Variants in THOC2 observed in about 807,000 individuals in gnomAD.
THOC2 encodes the protein THO complex subunit 2, also known as THO complex 2.
Under a neutral mutation model 128.4 loss-of-function variants are expected in THOC2, and 10 were observed. The ratio of observed to expected loss-of-function variants is 0.08; its 90% confidence interval spans 0.05 to 0.13. The LOEUF is 0.13. THOC2 is among the 10% of genes least tolerant of loss of function. THOC2 has a pLI of 1.00. For synonymous variants in THOC2, 393 were observed against 396.9 expected, an observed-to-expected ratio of 0.99 and a Z score of 0.12; for missense variants, 535 against 1,155.7, an observed-to-expected ratio of 0.46 and a Z score of 7.79.
At chrX:123,719,004 T>C (rs763410789) in intron 1 of THOC2, among the ~76,000 whole-genome samples, 10 of 108,976 alleles carry the variant, frequency 9.2e-5, no homozygotes, top group Non-Finnish European at 1.7e-4. Context: ...TGAAACCCTG[T>C]CTCTACTAAA....
chrX:123,630,496 C>G (rs1156551956), intron 22 of THOC2, among the ~76,000 whole-genome samples: 1 of 107,723 alleles, frequency 9.3e-6, no homozygotes, highest in Non-Finnish European at 1.9e-5. Flanking sequence ...ACCTGTAATC[C>G]CAGCTACTTG....
chrX:123,619,374 G>T, intron 33 of THOC2, 27 bp downstream of exon 33: 1 of 1,002,776 alleles, frequency 1.0e-6, no homozygotes, highest in Non-Finnish European at 1.4e-6. Flanking sequence ...GGTTTACTTA[G>T]GCATGATGAT....
At position 123,600,701 on chromosome X, in the gene THOC2, T is replaced by A. The variant is rs1159373720; in HGVS notation, c.*656A>T. 2 of 112,445 alleles carry A rather than the reference T, an allele frequency of 1.8e-5. No homozygotes were observed. Among genetic ancestry groups the A allele is most frequent in the Non-Finnish European group, 3.8e-5 (2 of 53,182 alleles). The allele number at this position is 112,445 out of a possible 1,213,427, so 9.3% of individuals were successfully genotyped here. ...TTCAGCAATACAAAGCTCCTACAGC[T>A]GTAGAATTAAAACAATTATGTTTTG... On this transcript the variant is annotated 3_prime_UTR_variant, in exon 39 of 39. Transcript: ENST00000245838.
chrX:123,623,379 C>T, intron 28 of THOC2, 96 bp from the exon 29 acceptor site: 1 of 868,907 alleles, frequency 1.2e-6, no homozygotes, highest in Non-Finnish European at 1.6e-6. Flanking sequence ...ATTCATTCTA[C>T]TATGTGGTTC....
intron 12 of THOC2, among the ~76,000 whole-genome samples, chrX:123,661,788 A>C (rs913656853): frequency 1.8e-5 from 2 of 111,904 alleles, no homozygotes; most frequent in African/African-American, 6.5e-5. Flanking sequence ...GTGAGCATTA[A>C]AAACAACCTA....
rs1253372435 is a variant in THOC2, at chrX:123,695,652, TTAAAAA to T, written c.601+363_601+368del. Among the ~76,000 whole-genome samples, 13 of 111,838 alleles carry T rather than the reference TTAAAAA, an allele frequency of 1.2e-4. No homozygotes were observed. The Admixed American group carries it at 1.2e-3, about 11-fold the overall frequency. On this transcript the variant is annotated intron_variant, in intron 7 of 38. Transcript: ENST00000245838. ...CCTCCATAAAATGGTTGAGAAATAC[TTAAAAA>T]TAGAAATACTAGAGAAACGTAGGGC... is the stretch of plus-strand genomic sequence containing the variant.
chrX:123,724,127 A>G (rs1194368850), intron 1 of THOC2, among the ~76,000 whole-genome samples: 2 of 111,842 alleles, frequency 1.8e-5, no homozygotes, highest in African/African-American at 6.5e-5. Context: ...TAGTCAATGA[A>G]ACAAATAATT....
At chrX:123,629,206 A>AACACAC (rs754562050) in intron 22 of THOC2, among the ~76,000 whole-genome samples, 4,095 of 81,869 alleles carry the variant, frequency 0.05, 95 homozygotes, top group East Asian at 0.085. Flanking sequence ...ATTATACATG[A>AACACAC]ACACACACAC....
At chrX:123,603,234 A>C (rs2046349713) in intron 38 of THOC2, 1 of 138,607 alleles carries the variant, frequency 7.2e-6, no homozygotes, top group African/African-American at 3.2e-5. Context: ...AAAGGATAAA[A>C]TTGCTGTTGC....
chrX:123,612,878 C>T (rs1279818301), intron 36 of THOC2, among the ~76,000 whole-genome samples: 4 of 111,281 alleles, frequency 3.6e-5, no homozygotes, highest in Admixed American at 1.9e-4. Context: ...ATGGCAGATG[C>T]GTGAGATTCA....
chrX:123,661,555 C>A (rs112036269), intron 12 of THOC2, among the ~76,000 whole-genome samples: 5 of 110,730 alleles, frequency 4.5e-5, no homozygotes, highest in Non-Finnish European at 7.6e-5. Flanking sequence ...GCAGTTAGAT[C>A]GATGGAATGA....
intron 1 of THOC2, among the ~76,000 whole-genome samples, chrX:123,725,908 T>G (rs1445228813): frequency 1.8e-5 from 2 of 111,436 alleles, no homozygotes; most frequent in African/African-American, 3.3e-5. Context: ...TCAATTCTCT[T>G]TAGAATATAA....
intron 12 of THOC2, among the ~76,000 whole-genome samples, chrX:123,662,934 A>C (rs1386373484): frequency 4.4e-5 from 5 of 112,366 alleles, no homozygotes; most frequent in African/African-American, 1.6e-4. Flanking sequence ...AGAATGACTA[A>C]AACTTAAAAG....
intron 1 of THOC2, among the ~76,000 whole-genome samples, chrX:123,728,399 A>C (rs1018971389): frequency 5.4e-5 from 6 of 111,885 alleles, no homozygotes; most frequent in Admixed American, 9.6e-5. Flanking sequence ...CATTGCTTCA[A>C]CATTTTGTGA....
chrX:123,710,862 C>T (rs1298421197), intron 2 of THOC2, among the ~76,000 whole-genome samples: 2 of 103,648 alleles, frequency 1.9e-5, no homozygotes, highest in African/African-American at 7.0e-5. Context: ...TGGTGGCGGG[C>T]GCCTGTAATC....
intron 38 of THOC2, among the ~76,000 whole-genome samples, chrX:123,608,007 G>A (rs1475279940): frequency 9.0e-6 from 1 of 110,811 alleles, no homozygotes; most frequent in African/African-American, 3.3e-5. Context: ...CCAGCACATT[G>A]GGAGACCAAG....
chrX:123,683,536 T>C (rs1260353640), intron 8 of THOC2, among the ~76,000 whole-genome samples: 2 of 110,935 alleles, frequency 1.8e-5, no homozygotes, highest in Non-Finnish European at 3.8e-5. Context: ...TTTTCAAAAA[T>C]ATCTGACATT....
intron 38 of THOC2, chrX:123,610,063 T>G (rs1340768708): frequency 9.1e-6 from 1 of 109,615 alleles, no homozygotes; most frequent in East Asian, 2.9e-4. Context: ...AAAGGCAGAA[T>G]CAACAGCCTC....
chrX:123,659,668 C>A (rs1036646570), intron 12 of THOC2, among the ~76,000 whole-genome samples: 2 of 112,328 alleles, frequency 1.8e-5, no homozygotes, highest in African/African-American at 6.5e-5. Flanking sequence ...ATACTACATA[C>A]CTCAAATTTA....
Sources: allele counts gnomAD v4.1 joint callset (sites outside exome capture counted in the v4.1 genomes callset), GRCh38; gene constraint gnomAD v4.1.1; transcripts MANE v1.5; gene names NCBI Gene and HGNC (gene_info 2026-07-23, HGNC 2026-07-21).